The following MAML2 variants were observed in gnomAD, a reference collection of about 807,000 sequenced individuals.
The protein encoded by MAML2 is mastermind like transcriptional coactivator 2.
Under a neutral mutation model 96.1 loss-of-function variants are expected in MAML2, and 22 were observed. The observed-to-expected ratio is 0.23, with a 90% CI of 0.16 to 0.33. MAML2 has a LOEUF of 0.33. Among genes scored for constraint, MAML2 ranks in the 10% least tolerant of loss-of-function variants. The pLI is 1.00. For synonymous variants in MAML2, 561 were observed against 521.3 expected, an observed-to-expected ratio of 1.08 and a Z score of -1.04; for missense variants, 1,367 against 1,392.4, an observed-to-expected ratio of 0.98 and a Z score of 0.29.
chr11:96,204,531 GAT>G (rs1861870068), intron 1 of MAML2, among the ~76,000 whole-genome samples: 2 of 152,194 alleles, frequency 1.3e-5, no homozygotes, highest in Non-Finnish European at 2.9e-5. Context: ...TTACCAGTAA[GAT>G]CAGGTTAATT....
At chr11:96,210,237 A>G (rs1163442490) in intron 1 of MAML2, among the ~76,000 whole-genome samples, 2 of 151,940 alleles carry the variant, frequency 1.3e-5, no homozygotes, top group Non-Finnish European at 2.9e-5. Flanking sequence ...AGCCTCTCAA[A>G]TAGCTGGGAT....
At chr11:96,203,087 A>G (rs1052957096) in intron 1 of MAML2, among the ~76,000 whole-genome samples, 1 of 152,238 alleles carries the variant, frequency 6.6e-6, no homozygotes, top group African/African-American at 2.4e-5. Context: ...CAAATGTAAC[A>G]TATCAGGCTA....
chr11:96,060,787 T>C (rs10501839), intron 2 of MAML2, among the ~76,000 whole-genome samples: 50,627 of 152,130 alleles, frequency 0.33, 8,613 homozygotes, highest in East Asian at 0.46. Context: ...TTTTAGTTTA[T>C]TAGATGGTAG....
At chr11:96,145,924 G>T (rs1202276913) in intron 1 of MAML2, among the ~76,000 whole-genome samples, 1 of 152,156 alleles carries the variant, frequency 6.6e-6, no homozygotes, top group Admixed American at 6.5e-5. Flanking sequence ...CAGGAGAATT[G>T]CTTGAACCTG....
chr11:95,987,612 G>A (rs554746394), intron 3 of MAML2, among the ~76,000 whole-genome samples: 1 of 152,148 alleles, frequency 6.6e-6, no homozygotes, highest in Non-Finnish European at 1.5e-5. Flanking sequence ...ACTTAGAACT[G>A]ACTTAAACCA....
chr11:96,249,805 C>A (rs371374917), intron 1 of MAML2, among the ~76,000 whole-genome samples: 1 of 152,162 alleles, frequency 6.6e-6, no homozygotes, highest in Non-Finnish European at 1.5e-5. Context: ...TATCTCCATA[C>A]AATGTAGACC....
At chr11:96,108,212 G>C (rs1283349824) in intron 1 of MAML2, among the ~76,000 whole-genome samples, 1 of 152,204 alleles carries the variant, frequency 6.6e-6, no homozygotes, top group East Asian at 1.9e-4. Flanking sequence ...CGTGTCAGCT[G>C]GAAAATTGCT....
chr11:96,098,074 G>A (rs894204711), intron 1 of MAML2, among the ~76,000 whole-genome samples: 3 of 152,142 alleles, frequency 2.0e-5, no homozygotes, highest in Admixed American at 1.3e-4. Context: ...CAAGACAAAA[G>A]TCCAATAGAA....
intron 1 of MAML2, among the ~76,000 whole-genome samples, chr11:96,148,289 T>C (rs752090888): frequency 1.3e-5 from 2 of 152,160 alleles, no homozygotes; most frequent in Non-Finnish European, 2.9e-5. Context: ...ATGATTTTCT[T>C]TGGGGGGTTG....
At chr11:96,109,331 G>T (rs1860080548) in intron 1 of MAML2, among the ~76,000 whole-genome samples, 1 of 152,180 alleles carries the variant, frequency 6.6e-6, no homozygotes, top group South Asian at 2.1e-4. Context: ...TGAAGATCGT[G>T]GGTAGGCATT....
In MAML2 at chr11:96,065,466, C is replaced by T. The variant is rs117774436; in HGVS notation, c.2139+26426G>A. Among the ~76,000 whole-genome samples, 838 of 151,940 alleles carry T rather than the reference C, an allele frequency of 5.5e-3. 8 individuals carry two copies. Among genetic ancestry groups the T allele is most frequent in the Non-Finnish European group, 8.8e-3 (598 of 67,932 alleles). On this transcript the variant is annotated intron_variant, in intron 2 of 4. Transcript: ENST00000524717. ...ACAGGAAAGAAAATAGAGCAAAGAA[C>T]CCTGGTTTAGCTGTTAGCTTCCCAA...
At chr11:95,985,061 C>T (rs183553563) in intron 4 of MAML2, among the ~76,000 whole-genome samples, 9 of 152,248 alleles carry the variant, frequency 5.9e-5, no homozygotes, top group South Asian at 2.1e-4. Flanking sequence ...TGAGAGACTT[C>T]GTGAAAACTA....
In MAML2 at chr11:95,979,993, C is replaced by T. The variant is rs200585848; in HGVS notation, c.2456-30G>A. ...GAAAAAGAAGAGAATTTTATTAGTT[C>T]GTAGCAGCATGTTATCTCCTCTGTA... On this transcript the variant is annotated intron_variant, in intron 4 of 4. Coordinates refer to ENST00000524717, the MANE Select transcript of MAML2 (RefSeq NM_032427.4). 3.9e-5 allele frequency: 61 copies of T among 1,561,614 alleles called. No homozygotes were observed. In the African/African-American group the frequency reaches 5.4e-4, roughly 14 times the overall value.
intron 1 of MAML2, among the ~76,000 whole-genome samples, chr11:96,152,691 G>A (rs1475858441): frequency 6.6e-6 from 1 of 152,220 alleles, no homozygotes; most frequent in Non-Finnish European, 1.5e-5. Context: ...CATGGTGGGT[G>A]TAGCAGAAAC....
Position 96,093,221 on chromosome 11 carries a change from T to C in MAML2, c.810A>G (p.Gly270=), listed in dbSNP as rs1374659912. 6.2e-7 allele frequency: 1 copy of C among 1,614,048 alleles called. No individual in the cohort carries two copies. Among genetic ancestry groups the C allele is most frequent in the Non-Finnish European group, 8.5e-7 (1 of 1,179,912 alleles). Residue 270 remains glycine, a synonymous_variant, in exon 2 of 5, where the codon GGA becomes GGG. Transcript: ENST00000524717. ...MGLKEVKKEP[G]ETLSCSKHMD... ...TGTGCTTACTGCAAGACAGAGTCTC[T>C]CCTGGCTCCTTCTTTACCTCCTTTA...
At chr11:96,007,609 C>G (rs1386360897) in intron 2 of MAML2, among the ~76,000 whole-genome samples, 1 of 151,912 alleles carries the variant, frequency 6.6e-6, no homozygotes, top group East Asian at 1.9e-4. Flanking sequence ...TTATGCACTC[C>G]TATTAGCATA....
intron 2 of MAML2, among the ~76,000 whole-genome samples, chr11:96,069,413 C>G (rs2135786431): frequency 6.6e-6 from 1 of 152,304 alleles, no homozygotes; most frequent in Admixed American, 6.5e-5. Context: ...GTGGCTCACG[C>G]CTGTAATCCC....
intron 1 of MAML2, among the ~76,000 whole-genome samples, chr11:96,339,999 T>C (rs1863970682): frequency 6.6e-6 from 1 of 152,224 alleles, no homozygotes; most frequent in Non-Finnish European, 1.5e-5. Flanking sequence ...TGTTGGTAGT[T>C]ATTTTTCATC....
rs76904830 is a variant in MAML2, at chr11:96,279,020, G to C, written c.513+62363C>G. Among the ~76,000 whole-genome samples the C allele has an allele frequency of 0.026, 3,942 of 152,272 alleles. 456 individuals are homozygous for C. In the East Asian group the frequency reaches 0.39, roughly 15 times the overall value. On this transcript the variant is annotated intron_variant, in intron 1 of 4. Coordinates refer to ENST00000524717, the MANE Select transcript of MAML2 (RefSeq NM_032427.4). ...ACAATGTAGGAACTGGGTGATTATA[G>C]AACTGAAAAGTGAGTGAGAGGGAGG...
Sources: gnomAD v4.1 joint callset for allele counts (sites outside exome capture counted in the v4.1 genomes callset) on GRCh38, gnomAD v4.1.1 for gene constraint, MANE v1.5 for transcripts, NCBI Gene and HGNC (gene_info 2026-07-23, HGNC 2026-07-21) for gene names.